The following DGKE variants were observed in gnomAD, a reference collection of about 807,000 sequenced individuals.
The protein encoded by DGKE is diacylglycerol kinase epsilon.
DGKE carries 53 observed loss-of-function variants against 70.0 expected under a neutral mutation model. The observed-to-expected ratio is 0.76, with a 90% CI of 0.61 to 0.95. The LOEUF (loss-of-function observed/expected upper bound fraction) is 0.95, where lower values mean the gene tolerates loss of function less well. Among genes scored for constraint, DGKE ranks in the 40% least tolerant of loss-of-function variants. The pLI, the probability that DGKE is intolerant of heterozygous loss-of-function variation, is 0.00. For synonymous variants in DGKE, 291 were observed against 257.0 expected (o/e 1.13, Z -1.27); for missense variants, 655 against 706.9 (o/e 0.93, Z 0.83).
At position 56,835,086 on chromosome 17, in the gene DGKE, C is replaced by G; in HGVS notation, c.291C>G (p.Gly97=). Residue 97 remains glycine, a synonymous_variant, in exon 2 of 12, where the codon GGC becomes GGG. Coordinates refer to ENST00000284061, the MANE Select transcript of DGKE (RefSeq NM_003647.3). ...CDCCGLRVDE[G]CLRKADKRFQ... ...GCTGCGGGCTCCGCGTGGACGAGGG[C>G]TGCCTCAGGAAGGCCGACAAGCGCT... 9.3e-6 allele frequency: 15 copies of G among 1,613,640 alleles called. No homozygotes were observed. Among genetic ancestry groups the G allele is most frequent in the Non-Finnish European group, 1.3e-5 (15 of 1,180,044 alleles).
intron 2 of DGKE, among the ~76,000 whole-genome samples, chr17:56,839,541 G>C (rs1906834028): frequency 1.3e-5 from 2 of 152,258 alleles, no homozygotes; most frequent in African/African-American, 4.8e-5. Context: ...TTTTGAGACA[G>C]GGTCTTACTC....
chr17:56,835,555 A>G (rs1037139012), intron 2 of DGKE: 7 of 444,842 alleles, frequency 1.6e-5, no homozygotes, highest in Non-Finnish European at 2.8e-5. Context: ...TGGCCACTGT[A>G]TATTTTAGCT....
At chr17:56,851,481 C>G (rs4793835) in intron 7 of DGKE, among the ~76,000 whole-genome samples, 111,249 of 152,108 alleles carry the variant, frequency 0.73, 40,911 homozygotes, top group East Asian at 0.91. Context: ...AAAATTAACA[C>G]GTACCAATAT....
At chr17:56,846,262 A>G (rs1313710106) in intron 4 of DGKE, 2 of 152,466 alleles carry the variant, frequency 1.3e-5, no homozygotes, top group Admixed American at 1.3e-4. Context: ...ACTGATACGT[A>G]TATATTACAA....
At chr17:56,858,732 A>C in intron 9 of DGKE, 67 bp downstream of exon 9, 1 of 1,182,832 alleles carries the variant, frequency 8.5e-7, no homozygotes, top group South Asian at 1.4e-5. Context: ...GACTTTTTAA[A>C]CAGAAATGCT....
intron 2 of DGKE, chr17:56,835,520 A>G (rs986098644): frequency 1.0e-4 from 51 of 492,084 alleles, no homozygotes; most frequent in Admixed American, 7.6e-4. Context: ...GTTAATACAG[A>G]GGTTTCTAAG....
Position 56,864,927 on chromosome 17 carries a change from G to C in DGKE, c.*2136G>C, listed in dbSNP as rs1463618635. The C allele has an allele frequency of 1.3e-5, 2 of 152,002 alleles. No homozygotes were observed. The highest frequency in any genetic ancestry group is 2.9e-5 in the Non-Finnish European group (2 of 67,974). The allele number at this position is 152,002 out of a possible 1,614,324, so 9.4% of individuals were successfully genotyped here. A position where few individuals can be genotyped will look rare whatever the true frequency, so the allele number is the denominator to read the frequency against. Reference sequence around the variant, plus strand: ...ATGCCCTCATTTATCTAAATAAGTTGATTTTTTGGTTATTGTAATCTAGTA... The same window carrying C: ...ATGCCCTCATTTATCTAAATAAGTTCATTTTTTGGTTATTGTAATCTAGTA... On this transcript the variant is annotated 3_prime_UTR_variant, in exon 12 of 12. Transcript: ENST00000284061.
intron 2 of DGKE, among the ~76,000 whole-genome samples, chr17:56,843,650 T>TA: frequency 6.6e-6 from 1 of 152,060 alleles, no homozygotes; most frequent in Non-Finnish European, 1.5e-5. Context: ...ATATAAAAAT[T>TA]ACCCAGGCGG....
chr17:56,858,071 C>CA (rs11449627), intron 8 of DGKE, among the ~76,000 whole-genome samples: 64,782 of 100,224 alleles, frequency 0.65, 19,118 homozygotes, highest in East Asian at 0.88. Context: ...GACTCCATCT[C>CA]AAAAAAAAAA....
At chr17:56,834,525 A>G (rs1906432731) in intron 1 of DGKE, among the ~76,000 whole-genome samples, 1 of 152,164 alleles carries the variant, frequency 6.6e-6, no homozygotes, top group Non-Finnish European at 1.5e-5. Flanking sequence ...CGGCGGCAGC[A>G]GCAGCCGCCT....
At chr17:56,854,828 A>T (rs1362898408) in intron 7 of DGKE, among the ~76,000 whole-genome samples, 1 of 152,260 alleles carries the variant, frequency 6.6e-6, no homozygotes, top group Non-Finnish European at 1.5e-5. Flanking sequence ...AGATGATTCA[A>T]ATAAGAAGAC....
chr17:56,859,443 G>A (rs1399570814), intron 9 of DGKE, among the ~76,000 whole-genome samples: 1 of 147,736 alleles, frequency 6.8e-6, no homozygotes, highest in African/African-American at 2.5e-5. Flanking sequence ...TTTTTGAGAT[G>A]GAGTCTCACT....
At chr17:56,846,631 A>G (rs1907302816) in intron 4 of DGKE, among the ~76,000 whole-genome samples, 1 of 135,906 alleles carries the variant, frequency 7.4e-6, no homozygotes, top group African/African-American at 2.8e-5. Context: ...AAATTAACCA[A>G]AAAACAAAAA....
intron 7 of DGKE, among the ~76,000 whole-genome samples, chr17:56,855,402 G>A (rs975489402): frequency 5.9e-5 from 9 of 152,072 alleles, no homozygotes; most frequent in Non-Finnish European, 4.4e-5. Context: ...CAGAAAGAGA[G>A]CATGAGAATT....
chr17:56,864,824 T>C lies in DGKE; in HGVS notation c.*2033T>C, dbSNP rs1908467012. 6.6e-6 allele frequency: 1 copy of C among 152,192 alleles called. No individual in the cohort carries two copies. Among genetic ancestry groups the C allele is most frequent in the Non-Finnish European group, 1.5e-5 (1 of 68,022 alleles). 9.4% of individuals were successfully genotyped at this position (152,192 alleles called of 1,614,324 possible). A position where few individuals can be genotyped will look rare whatever the true frequency, so the allele number is the denominator to read the frequency against. On this transcript the variant is annotated 3_prime_UTR_variant, in exon 12 of 12. Transcript: ENST00000284061. ...ACAATAACTAATACAGCTTTTTAATTGTGAAAACTACAATTAAAAATTATA... is the reference window on the plus strand; with the variant it reads ...ACAATAACTAATACAGCTTTTTAATCGTGAAAACTACAATTAAAAATTATA...
chr17:56,869,368 T>C lies in DGKE; in HGVS notation c.*6577T>C, dbSNP rs913216134. ...CATCTTAATATGCATGGCAGAACTG[T>C]GTGTTTCCTTCCATCTGGATTTTCA... is the stretch of plus-strand genomic sequence containing the variant. On this transcript the variant is annotated 3_prime_UTR_variant, in exon 12 of 12. Transcript: ENST00000284061. The C allele has an allele frequency of 2.6e-5, 4 of 152,228 alleles. No individual in the cohort carries two copies. Among genetic ancestry groups the C allele is most frequent in the Non-Finnish European group, 5.9e-5 (4 of 68,030 alleles). 9.4% of individuals were successfully genotyped at this position (152,228 alleles called of 1,614,324 possible). A position where few individuals can be genotyped will look rare whatever the true frequency, so the allele number is the denominator to read the frequency against.
intron 9 of DGKE, among the ~76,000 whole-genome samples, chr17:56,859,512 C>G (rs1033097807): frequency 6.6e-6 from 1 of 151,262 alleles, no homozygotes; most frequent in African/African-American, 2.4e-5. Context: ...CTCTGTCTCC[C>G]TGGTTCACAC....
Position 56,848,701 on chromosome 17 carries a change from A to G in DGKE, c.894A>G (p.Gln298=). ...ACATATCTTCCATATTCTAGGGACAAGAAAAGTACATTCCACAAGTTGCAG... is the reference window on the plus strand; with the variant it reads ...ACATATCTTCCATATTCTAGGGACAGGAAAAGTACATTCCACAAGTTGCAG... The part of the protein sequence containing the change: ...DAVDDMKIKG[Q]EKYIPQVAVL... The change falls in exon 6 of 12, where the codon CAA becomes CAG. Residue 298 remains glutamine (Q), a synonymous_variant. Transcript: ENST00000284061. The G allele has an allele frequency of 6.2e-7, 1 of 1,613,842 alleles. No homozygotes were observed. The highest frequency in any genetic ancestry group is 8.5e-7 in the Non-Finnish European group (1 of 1,179,838).
intron 7 of DGKE, among the ~76,000 whole-genome samples, chr17:56,852,412 C>A (rs79989804): frequency 2.7e-3 from 385 of 141,456 alleles, no homozygotes; most frequent in Middle Eastern, 3.7e-3. Flanking sequence ...GACTCTGTCT[C>A]AAAAAAAAAA....
Sources: gnomAD v4.1 joint callset for allele counts (sites outside exome capture counted in the v4.1 genomes callset) on GRCh38, gnomAD v4.1.1 for gene constraint, MANE v1.5 for transcripts, NCBI Gene and HGNC (gene_info 2026-07-23, HGNC 2026-07-21) for gene names.